The following NTNG1 variants were observed in gnomAD, a reference collection of about 807,000 sequenced individuals.
The protein encoded by NTNG1 is netrin-G1.
NTNG1 carries 16 observed loss-of-function variants against 54.0 expected under a neutral mutation model. That is an observed-to-expected ratio of 0.30 (90% CI 0.20 to 0.45). The LOEUF (loss-of-function observed/expected upper bound fraction) is 0.45, where lower values mean the gene tolerates loss of function less well. NTNG1 is among the 20% of genes least tolerant of loss of function. The pLI is 1.00. For missense variants in NTNG1, 530 were observed against 678.7 expected (o/e 0.78, Z 2.43); for synonymous variants, 255 against 263.1 (o/e 0.97, Z 0.30).
intron 2 of NTNG1, among the ~76,000 whole-genome samples, chr1:107,258,399 A>C (rs894439881): frequency 2.0e-5 from 3 of 152,142 alleles, no homozygotes; most frequent in Non-Finnish European, 4.4e-5. Context: ...AAGTGACCCC[A>C]AAAAACCCAC....
intron 2 of NTNG1, among the ~76,000 whole-genome samples, chr1:107,156,065 TAAC>T (rs1654972928): frequency 6.6e-6 from 1 of 152,174 alleles, no homozygotes; most frequent in South Asian, 2.1e-4. Flanking sequence ...GATGTTCACA[TAAC>T]AACAAGATCA....
At chr1:107,160,489 A>G (rs944636905) in intron 2 of NTNG1, among the ~76,000 whole-genome samples, 2 of 152,092 alleles carry the variant, frequency 1.3e-5, no homozygotes, top group African/African-American at 4.8e-5. Flanking sequence ...TTGTCCTACT[A>G]TCAACATCAT....
intron 2 of NTNG1, among the ~76,000 whole-genome samples, chr1:107,250,828 C>G (rs1662556549): frequency 6.6e-6 from 1 of 152,240 alleles, no homozygotes; most frequent in African/African-American, 2.4e-5. Flanking sequence ...ACCCGCCAGG[C>G]AACTGGTGGA....
intron 1 of NTNG1, chr1:107,141,458 C>G (rs1319072694): frequency 3.3e-5 from 5 of 151,112 alleles, no homozygotes; most frequent in Non-Finnish European, 7.4e-5. Context: ...ACGAGCCACA[C>G]GGTAAGTGCC....
At chr1:107,424,754 T>C (rs1357598053) in intron 5 of NTNG1, among the ~76,000 whole-genome samples, 1 of 151,982 alleles carries the variant, frequency 6.6e-6, no homozygotes, top group Admixed American at 6.6e-5. Flanking sequence ...AACGTCCAAG[T>C]GGAAATTCTT....
chr1:107,461,488 C>T (rs6699537), intron 7 of NTNG1, among the ~76,000 whole-genome samples: 14,649 of 151,970 alleles, frequency 0.096, 864 homozygotes, highest in Non-Finnish European at 0.13. Flanking sequence ...CCAGATCACC[C>T]ATCCTTGAAG....
chr1:107,453,235 A>G (rs1036372052), intron 7 of NTNG1, among the ~76,000 whole-genome samples: 4 of 152,214 alleles, frequency 2.6e-5, no homozygotes, highest in African/African-American at 9.6e-5. Context: ...GTTTGTTAAT[A>G]AATGTGGAGG....
chr1:107,345,361 T>C (rs1311269418), intron 3 of NTNG1, among the ~76,000 whole-genome samples: 1 of 152,176 alleles, frequency 6.6e-6, no homozygotes, highest in East Asian at 1.9e-4. Context: ...TATTATTCTT[T>C]GTGTGAATCC....
chr1:107,404,665 ACTTGTG>A (rs1673289269), intron 4 of NTNG1, among the ~76,000 whole-genome samples: 2 of 151,104 alleles, frequency 1.3e-5, no homozygotes, highest in Admixed American at 6.6e-5. Context: ...AAGACATGGA[ACTTGTG>A]CCCTCAGATC....
At chr1:107,170,883 A>C (rs1656168190) in intron 2 of NTNG1, among the ~76,000 whole-genome samples, 1 of 152,138 alleles carries the variant, frequency 6.6e-6, no homozygotes, top group South Asian at 2.1e-4. Flanking sequence ...GGAACTCTTT[A>C]ATCAGAATAG....
chr1:107,407,648 AAC>A (rs752370550), intron 4 of NTNG1, 32 bp from the exon 5 acceptor site: 1 of 1,555,878 alleles, frequency 6.4e-7, no homozygotes, highest in Non-Finnish European at 8.8e-7. Context: ...ATAAATAGCT[AAC>A]AGCTTTTCTT....
chr1:107,281,377 T>C (rs1361542327), intron 2 of NTNG1, among the ~76,000 whole-genome samples: 1 of 152,110 alleles, frequency 6.6e-6, no homozygotes, highest in African/African-American at 2.4e-5. Context: ...AAAAATAATA[T>C]GATTAGTCTT....
intron 2 of NTNG1, among the ~76,000 whole-genome samples, chr1:107,162,306 G>A (rs879275489): frequency 7.9e-5 from 12 of 152,006 alleles, no homozygotes; most frequent in Non-Finnish European, 1.5e-4. Context: ...CAGATTTTAA[G>A]TATTCTCCTT....
intron 3 of NTNG1, among the ~76,000 whole-genome samples, chr1:107,376,324 C>A (rs1354778665): frequency 6.6e-6 from 1 of 151,826 alleles, no homozygotes; most frequent in Non-Finnish European, 1.5e-5. Flanking sequence ...ATGGGAATGG[C>A]GTGAACCCGG....
intron 7 of NTNG1, among the ~76,000 whole-genome samples, chr1:107,457,940 G>A (rs1369435653): frequency 6.6e-6 from 1 of 152,032 alleles, no homozygotes; most frequent in Non-Finnish European, 1.5e-5. Context: ...AGAGATATTA[G>A]AGAATGAGCC....
At chr1:107,299,455 C>T (rs938458997) in intron 2 of NTNG1, among the ~76,000 whole-genome samples, 2 of 152,062 alleles carry the variant, frequency 1.3e-5, no homozygotes, top group African/African-American at 2.4e-5. Context: ...ATTTTATGAA[C>T]TATAGAAATA....
intron 3 of NTNG1, among the ~76,000 whole-genome samples, chr1:107,380,534 A>G (rs943558356): frequency 6.6e-5 from 10 of 152,232 alleles, no homozygotes; most frequent in African/African-American, 2.2e-4. Context: ...GTAAAACACC[A>G]TTACACTGTT....
Position 107,148,498 on chromosome 1 carries a change from C to A in NTNG1, c.-96C>A. 1.7e-6 allele frequency: 2 copies of A among 1,163,306 alleles called. No homozygotes were observed. The highest frequency in any genetic ancestry group is 2.5e-6 in the Non-Finnish European group (2 of 802,820). The allele number at this position is 1,163,306 out of a possible 1,614,324, so 72.1% of individuals were successfully genotyped here. On this transcript the variant is annotated 5_prime_UTR_variant, in exon 2 of 8. Transcript: ENST00000370068. ...AGAGACCTACCTACCCGTACGCATA[C>A]ATACATATGTGTATATATATGTAAA... is the stretch of plus-strand genomic sequence containing the variant.
chr1:107,215,898 T>C (rs941458893), intron 2 of NTNG1, among the ~76,000 whole-genome samples: 6 of 152,100 alleles, frequency 3.9e-5, no homozygotes, highest in African/African-American at 1.2e-4. Flanking sequence ...AATTTTATTG[T>C]CTTGCAGCTA....
Sources: allele counts gnomAD v4.1 joint callset (sites outside exome capture counted in the v4.1 genomes callset), GRCh38; gene constraint gnomAD v4.1.1; transcripts MANE v1.5; gene names NCBI Gene and HGNC (gene_info 2026-07-23, HGNC 2026-07-21).